The following ROR2 variants were observed in gnomAD, a reference collection of about 807,000 sequenced individuals.
ROR2 encodes the protein ROR family WNT receptor 2.
ROR2 carries 33 observed loss-of-function variants against 74.9 expected under a neutral mutation model. The observed-to-expected ratio is 0.44, with a 90% CI of 0.33 to 0.59. The LOEUF is 0.59. ROR2 is among the 20% of genes least tolerant of loss of function. ROR2 has a pLI of 0.02. For missense variants in ROR2, 1,216 were observed against 1,313.8 expected (o/e 0.93, Z 1.15); for synonymous variants, 586 against 558.7 (o/e 1.05, Z -0.69).
At chr9:91,820,765 T>C (rs1006740003) in intron 1 of ROR2, among the ~76,000 whole-genome samples, 2 of 152,202 alleles carry the variant, frequency 1.3e-5, no homozygotes, top group Non-Finnish European at 2.9e-5. Flanking sequence ...ACTGAAGTTC[T>C]ATACATGGGC....
At chr9:91,758,054 A>G (rs551820911) in intron 2 of ROR2, among the ~76,000 whole-genome samples, 1 of 152,204 alleles carries the variant, frequency 6.6e-6, no homozygotes, top group African/African-American at 2.4e-5. Context: ...AATCACCAAC[A>G]AAAAGCCCAA....
chr9:91,834,625 A>G (rs1015333287), intron 1 of ROR2, among the ~76,000 whole-genome samples: 1 of 152,226 alleles, frequency 6.6e-6, no homozygotes, highest in Admixed American at 6.5e-5. Flanking sequence ...CACAGCACTG[A>G]GAAAGGGACC....
At chr9:91,734,821 C>T (rs952206895) in intron 5 of ROR2, among the ~76,000 whole-genome samples, 1 of 152,220 alleles carries the variant, frequency 6.6e-6, no homozygotes, top group Non-Finnish European at 1.5e-5. Context: ...GCCACGCTGT[C>T]CTGATTGTGT....
intron 1 of ROR2, among the ~76,000 whole-genome samples, chr9:91,939,405 CTTGGGAT>C (rs1234273250): frequency 6.6e-6 from 1 of 152,168 alleles, no homozygotes; most frequent in African/African-American, 2.4e-5. Context: ...AGTCAAAGAG[CTTGGGAT>C]AACTGTTTTA....
intron 1 of ROR2, among the ~76,000 whole-genome samples, chr9:91,793,762 A>AG (rs1491164732): frequency 9.8e-4 from 107 of 109,512 alleles, no homozygotes; most frequent in African/African-American, 8.2e-3. Flanking sequence ...ACTCCGTTTC[A>AG]AAAAAAAAAA....
rs775410001 is a variant in ROR2 at position 91,757,540 on chromosome 9, C to T, written c.195G>A (p.Leu65=). The T allele has an allele frequency of 6.2e-7, 1 of 1,613,432 alleles. No homozygotes were observed. Among genetic ancestry groups the T allele is most frequent in the African/African-American group, 1.3e-5 (1 of 74,704 alleles). Reference sequence around the variant, plus strand: ...CAATGGTGATATTGTTTACTGGCTCCAGAAAATTCAGAAAGTAACCTGCCA... The same window carrying T: ...CAATGGTGATATTGTTTACTGGCTCTAGAAAATTCAGAAAGTAACCTGCCA... ...PTLKGYFLNF[L]EPVNNITIVQ... The change falls in exon 3 of 9, where the codon CTG becomes CTA. Residue 65 remains leucine (L), a synonymous_variant. Coordinates refer to ENST00000375708, the MANE Select transcript of ROR2 (RefSeq NM_004560.4).
At chr9:91,909,105 C>T (rs1388811540) in intron 1 of ROR2, among the ~76,000 whole-genome samples, 1 of 152,234 alleles carries the variant, frequency 6.6e-6, no homozygotes, top group Non-Finnish European at 1.5e-5. Flanking sequence ...TAATTTCTTT[C>T]TGATGAGAAA....
At chr9:91,776,360 C>T (rs924545306) in intron 1 of ROR2, among the ~76,000 whole-genome samples, 32 of 152,284 alleles carry the variant, frequency 2.1e-4, no homozygotes, top group African/African-American at 7.5e-4. Context: ...TCCATTCTTC[C>T]TATCATTTCT....
In ROR2 at chr9:91,733,513, C is replaced by T. The variant is rs997223463; in HGVS notation, c.623-77G>A. On this transcript the variant is annotated intron_variant, in intron 5 of 8. Coordinates refer to ENST00000375708, the MANE Select transcript of ROR2 (RefSeq NM_004560.4). The surrounding 1 kb of genome is among the most constrained non-coding windows in gnomAD (Gnocchi z 5.7). ...ACATTCATCCAGTCCCCACCCCCAGCCTGGCATCCCAGACTGCCCACTCAG... is the reference window on the plus strand; with the variant it reads ...ACATTCATCCAGTCCCCACCCCCAGTCTGGCATCCCAGACTGCCCACTCAG... The T allele has an allele frequency of 9.7e-5, 142 of 1,464,532 alleles. No individual in the cohort carries two copies. Among genetic ancestry groups the T allele is most frequent in the Middle Eastern group, 1.8e-4 (1 of 5,442 alleles). The allele number at this position is 1,464,532 out of a possible 1,614,324, so 90.7% of individuals were successfully genotyped here.
chr9:91,770,124 A>G (rs916550038), intron 2 of ROR2, among the ~76,000 whole-genome samples: 1 of 152,186 alleles, frequency 6.6e-6, no homozygotes, highest in East Asian at 1.9e-4. Flanking sequence ...CAGGGAAATT[A>G]TTAAGGAATA....
chr9:91,831,184 C>T (rs1828455420), intron 1 of ROR2, among the ~76,000 whole-genome samples: 1 of 151,170 alleles, frequency 6.6e-6, no homozygotes, highest in African/African-American at 2.4e-5. Context: ...TTGCTTGAAC[C>T]AGGGAGGCGG....
rs768187491 is a variant in ROR2 at position 91,724,817 on chromosome 9, G to A, written c.1677C>T (p.Gly559=). The stretch of plus-strand genomic sequence containing the variant: ...GCATGACCAGGAATTCGTGGAGGTC[G>A]CCGTGCGAACAGTAGCTGAAGATCA... The part of the protein sequence containing the change: ...LSMIFSYCSH[G]DLHEFLVMRS... The change falls in exon 9 of 9, where the codon GGC becomes GGT. Residue 559 remains glycine, a synonymous_variant. Coordinates refer to ENST00000375708, the MANE Select transcript of ROR2 (RefSeq NM_004560.4). 3.1e-6 allele frequency: 5 copies of A among 1,607,644 alleles called. No individual in the cohort carries two copies. Among genetic ancestry groups the A allele is most frequent in the Admixed American group, 1.7e-5 (1 of 59,890 alleles).
intron 1 of ROR2, among the ~76,000 whole-genome samples, chr9:91,892,322 T>A (rs1293626542): frequency 6.6e-6 from 1 of 152,200 alleles, no homozygotes; most frequent in Non-Finnish European, 1.5e-5. Flanking sequence ...AATTCTGCCA[T>A]CGTCTGCAGA....
In ROR2 at chr9:91,899,763, A is replaced by T. The variant is rs189347005; in HGVS notation, c.97+50104T>A. ...CACACACATATACACTCACACACAA[A>T]CGTGTGCACACAACACATGCGCCAC... On this transcript the variant is annotated intron_variant, in intron 1 of 8. Coordinates refer to ENST00000375708, the MANE Select transcript of ROR2 (RefSeq NM_004560.4). Among the ~76,000 whole-genome samples, 516 of 152,182 alleles carry T rather than the reference A, an allele frequency of 3.4e-3. 2 individuals are homozygous for T. Among genetic ancestry groups the T allele is most frequent in the Non-Finnish European group, 5.8e-3 (394 of 67,992 alleles).
At chr9:91,935,209 A>C (rs1378040020) in intron 1 of ROR2, among the ~76,000 whole-genome samples, 1 of 152,118 alleles carries the variant, frequency 6.6e-6, no homozygotes, top group Non-Finnish European at 1.5e-5. Flanking sequence ...CACCTCCGGC[A>C]CTCAACATGA....
At chr9:91,731,608 T>C (rs1837246389) in intron 6 of ROR2, among the ~76,000 whole-genome samples, 1 of 152,170 alleles carries the variant, frequency 6.6e-6, no homozygotes, top group Non-Finnish European at 1.5e-5. Context: ...GTGCATTTGG[T>C]GAACATTTCT....
At chr9:91,814,641 C>A (rs1160377188) in intron 1 of ROR2, among the ~76,000 whole-genome samples, 1 of 152,246 alleles carries the variant, frequency 6.6e-6, no homozygotes, top group African/African-American at 2.4e-5. Context: ...AGATCCCCCA[C>A]GTTTACAGGC....
At chr9:91,762,972 T>C (rs1310524355) in intron 2 of ROR2, among the ~76,000 whole-genome samples, 1 of 152,176 alleles carries the variant, frequency 6.6e-6, no homozygotes, top group Admixed American at 6.6e-5. Flanking sequence ...AATGTGGTAC[T>C]TATACACCAT....
At chr9:91,852,651 C>CACA (rs1231343818) in intron 1 of ROR2, among the ~76,000 whole-genome samples, 1,833 of 143,226 alleles carry the variant, frequency 0.013, 32 homozygotes, top group African/African-American at 0.026. Flanking sequence ...ACACACACAC[C>CACA]CACACACACA....
Sources: allele counts gnomAD v4.1 joint callset (sites outside exome capture counted in the v4.1 genomes callset), GRCh38; gene constraint gnomAD v4.1.1; non-coding constraint Gnocchi (gnomAD v3.1); transcripts MANE v1.5; gene names NCBI Gene and HGNC (gene_info 2026-07-23, HGNC 2026-07-21).